Variants in ATG10 observed in about 807,000 individuals in gnomAD.
ATG10 encodes the protein autophagy related 10.
A neutral mutation model predicts 32.1 loss-of-function variants in ATG10; 30 were observed. The observed-to-expected ratio is 0.94, with a 90% CI of 0.70 to 1.27. The LOEUF is 1.27. ATG10 is among the 50% of genes most tolerant of loss of function. The pLI, the probability that ATG10 is intolerant of heterozygous loss-of-function variation, is 0.00. For missense variants in ATG10, 233 were observed against 262.3 expected (o/e 0.89, Z 0.77); for synonymous variants, 87 against 91.5 (o/e 0.95, Z 0.28).
At chr5:82,063,673 G>A (rs1763856342) in intron 3 of ATG10, among the ~76,000 whole-genome samples, 1 of 151,726 alleles carries the variant, frequency 6.6e-6, no homozygotes, top group African/African-American at 2.4e-5. Context: ...TTGTATTTTT[G>A]TAGAGACGGG....
intron 3 of ATG10, among the ~76,000 whole-genome samples, chr5:82,145,434 A>T (rs974349163): frequency 2.6e-5 from 4 of 152,030 alleles, no homozygotes; most frequent in Admixed American, 2.0e-4. Flanking sequence ...ATGAATGATT[A>T]ATTTGGTAAT....
intron 3 of ATG10, among the ~76,000 whole-genome samples, chr5:82,115,498 G>A (rs935556019): frequency 6.6e-6 from 1 of 152,038 alleles, no homozygotes; most frequent in Non-Finnish European, 1.5e-5. Flanking sequence ...ATAATAAACA[G>A]TATTGAGTTG....
At chr5:82,201,759 T>A (rs935307887) in intron 5 of ATG10, among the ~76,000 whole-genome samples, 3 of 152,236 alleles carry the variant, frequency 2.0e-5, no homozygotes, top group Non-Finnish European at 4.4e-5. Context: ...AGTCTTCTAA[T>A]GTGTGAATAA....
rs1169041130 is a variant in ATG10, at chr5:82,058,355, G to A, written c.109-140G>A. 9 of 605,936 alleles carry A rather than the reference G, an allele frequency of 1.5e-5. No homozygotes were observed. The East Asian group carries it at 2.5e-4, about 17-fold the overall frequency. The allele number at this position is 605,936 out of a possible 1,614,324, so 37.5% of individuals were successfully genotyped here. Reference sequence around the variant, plus strand: ...TTACTACGTACAGGGTGTTGGACTAGTCTCTTTATCCATATAGTCTCATTT... The same window carrying A: ...TTACTACGTACAGGGTGTTGGACTAATCTCTTTATCCATATAGTCTCATTT... On this transcript the variant is annotated intron_variant, in intron 2 of 7. Transcript: ENST00000282185.
intron 5 of ATG10, among the ~76,000 whole-genome samples, chr5:82,231,821 GA>G (rs1746377900): frequency 6.6e-6 from 1 of 151,926 alleles, no homozygotes; most frequent in Non-Finnish European, 1.5e-5. Context: ...AAGCAGAAAG[GA>G]AAAAAACTGT....
intron 1 of ATG10, among the ~76,000 whole-genome samples, chr5:81,984,416 G>GGGGAGA (rs561830298): frequency 8.5e-5 from 13 of 152,206 alleles, no homozygotes; most frequent in Non-Finnish European, 1.2e-4. Context: ...GGGAGACCGT[G>GGGGAGA]GGGAGAGGGA....
intron 2 of ATG10, among the ~76,000 whole-genome samples, chr5:82,011,060 GT>G (rs1305542207): frequency 6.6e-6 from 1 of 152,086 alleles, no homozygotes; most frequent in African/African-American, 2.4e-5. Flanking sequence ...GCTACTTATC[GT>G]TTTCTAAGTA....
intron 3 of ATG10, among the ~76,000 whole-genome samples, chr5:82,097,130 GA>G (rs1472302160): frequency 6.6e-6 from 1 of 151,970 alleles, no homozygotes; most frequent in Non-Finnish European, 1.5e-5. Flanking sequence ...AGTCAACCTT[GA>G]TTTTTTTGTT....
At chr5:82,140,689 C>T (rs1767080569) in intron 3 of ATG10, among the ~76,000 whole-genome samples, 1 of 41,552 alleles carries the variant, frequency 2.4e-5, no homozygotes, top group African/African-American at 8.4e-5. Context: ...AGTGAGGAGC[C>T]CCTCTGCCCG....
intron 2 of ATG10, among the ~76,000 whole-genome samples, chr5:82,058,007 TG>T (rs1763654573): frequency 1.3e-5 from 2 of 152,194 alleles, no homozygotes; most frequent in South Asian, 4.1e-4. Flanking sequence ...GGCCAGTTCC[TG>T]GAGGTACTCA....
intron 3 of ATG10, among the ~76,000 whole-genome samples, chr5:82,132,026 T>A (rs1383302899): frequency 6.6e-6 from 1 of 152,016 alleles, no homozygotes; most frequent in Non-Finnish European, 1.5e-5. Flanking sequence ...CACACACTAT[T>A]GTGAGGAGAG....
chr5:82,088,119 G>T (rs772148687), intron 3 of ATG10, among the ~76,000 whole-genome samples: 36 of 152,006 alleles, frequency 2.4e-4, no homozygotes, highest in Admixed American at 3.9e-4. Flanking sequence ...GAGCTAACAT[G>T]GTTCCTTCTT....
intron 3 of ATG10, among the ~76,000 whole-genome samples, chr5:82,077,753 T>C (rs1764326545): frequency 6.6e-6 from 1 of 152,224 alleles, no homozygotes; most frequent in Non-Finnish European, 1.5e-5. Context: ...AGCAAAATCC[T>C]GTCTGTGGCA....
At chr5:82,028,445 CA>C (rs1345510489) in intron 2 of ATG10, among the ~76,000 whole-genome samples, 1 of 151,750 alleles carries the variant, frequency 6.6e-6, no homozygotes, top group African/African-American at 2.4e-5. Context: ...TGGGTGACTG[CA>C]AAAAAAGGCA....
In ATG10 at chr5:82,195,585, C is replaced by G. The variant is rs182656773; in HGVS notation, c.453+16998C>G. Reference sequence around the variant, plus strand: ...TGGCAACCACTAATTTAACTTTTTTCTCTATAGAGTTGCTTATTCTGGAGA... The same window carrying G: ...TGGCAACCACTAATTTAACTTTTTTGTCTATAGAGTTGCTTATTCTGGAGA... On this transcript the variant is annotated intron_variant, in intron 5 of 7. Transcript: ENST00000282185. Among the ~76,000 whole-genome samples the G allele has an allele frequency of 2.0e-5, 3 of 152,252 alleles. No individual in the cohort carries two copies. In the South Asian group the frequency reaches 6.2e-4, roughly 32 times the overall value.
intron 3 of ATG10, among the ~76,000 whole-genome samples, chr5:82,063,786 C>G (rs1475802342): frequency 6.6e-6 from 1 of 152,066 alleles, no homozygotes; most frequent in African/African-American, 2.4e-5. Context: ...AGCCACCATG[C>G]CCGGCTGAAC....
chr5:82,013,011 G>T (rs1490451590), intron 2 of ATG10, among the ~76,000 whole-genome samples: 2 of 150,764 alleles, frequency 1.3e-5, no homozygotes, highest in African/African-American at 4.9e-5. Context: ...TGCCAGGCTG[G>T]AGTGCAGTGG....
chr5:82,051,939 T>G (rs1005283206), intron 2 of ATG10, among the ~76,000 whole-genome samples: 1 of 152,188 alleles, frequency 6.6e-6, no homozygotes, highest in Non-Finnish European at 1.5e-5. Context: ...CAGCTACTGA[T>G]AGTATTGGTT....
intron 2 of ATG10, among the ~76,000 whole-genome samples, chr5:82,044,730 G>A (rs1045381932): frequency 1.3e-5 from 2 of 152,146 alleles, no homozygotes; most frequent in Non-Finnish European, 2.9e-5. Context: ...GTGCATGTTA[G>A]GATGGTTTTC....
Sources: gnomAD v4.1 joint callset for allele counts (sites outside exome capture counted in the v4.1 genomes callset) on GRCh38, gnomAD v4.1.1 for gene constraint, MANE v1.5 for transcripts, NCBI Gene and HGNC (gene_info 2026-07-23, HGNC 2026-07-21) for gene names.